Variants in EPAS1 observed in about 807,000 individuals in gnomAD.
The protein encoded by EPAS1 is endothelial PAS domain protein 1.
A neutral mutation model predicts 87.9 loss-of-function variants in EPAS1; 23 were observed. The ratio of observed to expected loss-of-function variants is 0.26; its 90% CI spans 0.19 to 0.37. The LOEUF (loss-of-function observed/expected upper bound fraction) is 0.37, where lower values mean the gene tolerates loss of function less well. Ranked by LOEUF, EPAS1 falls within the 10% of genes least tolerant of loss-of-function variation. The pLI, the probability that EPAS1 is intolerant of heterozygous loss-of-function variation, is 1.00. For missense variants in EPAS1, 1,138 were observed against 1,120.7 expected (o/e 1.02, Z -0.22); for synonymous variants, 508 against 444.3 (o/e 1.14, Z -1.80).
intron 3 of EPAS1, 70 bp downstream of exon 3, chr2:46,356,372 G>A: frequency 6.3e-7 from 1 of 1,590,546 alleles, no homozygotes; most frequent in South Asian, 1.1e-5. Flanking sequence ...AGTGGAAGGT[G>A]CTAGCCACAA....
chr2:46,383,353 A>C (rs557192641), intron 15 of EPAS1, among the ~76,000 whole-genome samples: 1 of 152,342 alleles, frequency 6.6e-6, no homozygotes, highest in East Asian at 1.9e-4. Flanking sequence ...GCCTGCCTTC[A>C]ACCCTGGGCC....
chr2:46,306,134 T>A (rs1683105540), intron 1 of EPAS1, among the ~76,000 whole-genome samples: 1 of 152,232 alleles, frequency 6.6e-6, no homozygotes, highest in Admixed American at 6.5e-5. Context: ...GATTATTTTT[T>A]GGTAATCATT....
chr2:46,323,388 C>A (rs1297455775), intron 1 of EPAS1, among the ~76,000 whole-genome samples: 1 of 152,176 alleles, frequency 6.6e-6, no homozygotes, highest in Non-Finnish European at 1.5e-5. Context: ...CTGATGAGGT[C>A]TTTTAACAAA....
chr2:46,318,237 G>A (rs1169938532), intron 1 of EPAS1, among the ~76,000 whole-genome samples: 1 of 151,908 alleles, frequency 6.6e-6, no homozygotes, highest in Non-Finnish European at 1.5e-5. Flanking sequence ...CACTGGACCA[G>A]TCAGAACACA....
rs144168268 is a variant in EPAS1 at position 46,369,913 on chromosome 2, T to C, written c.866T>C (p.Met289Thr). Residue 289 changes from methionine to threonine, a missense_variant, in exon 7 of 16, where the codon ATG becomes ACG. Around this residue, in one of 4 missense-constraint regions of EPAS1, gnomAD observed 351 missense variants for 417.1 expected, o/e 0.84. Coordinates refer to ENST00000263734, the MANE Select transcript of EPAS1 (RefSeq NM_001430.5). Reference protein sequence around the residue: ...EFYHALDSENMTKSHQNLCTK... With the variant: ...EFYHALDSENTTKSHQNLCTK... ...TACCATGCGCTAGACTCCGAGAACA[T>C]GACCAAGAGTCACCAGAACTGTGAG... 6.2e-7 allele frequency: 1 copy of C among 1,611,320 alleles called. No individual in the cohort carries two copies. Among genetic ancestry groups the C allele is most frequent in the East Asian group, 2.2e-5 (1 of 44,880 alleles).
At chr2:46,378,159 G>A in intron 10 of EPAS1, 72 bp downstream of exon 10, 1 of 1,534,360 alleles carries the variant, frequency 6.5e-7, no homozygotes, top group Non-Finnish European at 8.7e-7. Flanking sequence ...TGGCTGAAGG[G>A]ACATTTGGGA....
At chr2:46,364,167 C>G (rs756143845) in intron 6 of EPAS1, among the ~76,000 whole-genome samples, 2 of 152,124 alleles carry the variant, frequency 1.3e-5, no homozygotes, top group Non-Finnish European at 2.9e-5. Context: ...TCCAAGATAC[C>G]TAATGGGGTG....
Position 46,375,785 on chromosome 2 carries a change from A to C in EPAS1, c.982A>C (p.Asn328His). The C allele has an allele frequency of 6.2e-7, 1 of 1,614,222 alleles. No individual in the cohort carries two copies. Among genetic ancestry groups the C allele is most frequent in the Middle Eastern group, 1.6e-4 (1 of 6,062 alleles). ...WLETQGTVIYNPRNLQPQCIM... is the reference protein window; with the variant it reads ...WLETQGTVIYHPRNLQPQCIM... ...GGAGACCCAGGGGACGGTCATCTAC[A>C]ACCCTCGCAACCTGCAGCCCCAGTG... The change falls in exon 8 of 16, where the codon AAC (asparagine) becomes CAC (histidine). Residue 328 changes from asparagine to histidine, a missense_variant. Around this residue, in one of 4 missense-constraint regions of EPAS1, gnomAD observed 284 missense variants for 258.4 expected, o/e 1.10. Coordinates refer to ENST00000263734, the MANE Select transcript of EPAS1 (RefSeq NM_001430.5). The surrounding 1 kb of genome is among the most constrained non-coding windows in gnomAD (Gnocchi z 4.1).
intron 9 of EPAS1, among the ~76,000 whole-genome samples, chr2:46,377,095 A>G (rs960045990): frequency 2.0e-5 from 3 of 152,192 alleles, no homozygotes; most frequent in Admixed American, 6.5e-5. Context: ...GGCCACTTGG[A>G]CACTGTCAAA....
intron 6 of EPAS1, among the ~76,000 whole-genome samples, chr2:46,363,173 T>G (rs892181188): frequency 2.0e-5 from 3 of 152,190 alleles, no homozygotes; most frequent in Non-Finnish European, 4.4e-5. Context: ...AGTAGTCTTG[T>G]GAGATAACAT....
intron 7 of EPAS1, among the ~76,000 whole-genome samples, chr2:46,372,829 T>G (rs983679233): frequency 6.6e-6 from 1 of 152,242 alleles, no homozygotes; most frequent in Non-Finnish European, 1.5e-5. Flanking sequence ...TGGTTTGCAT[T>G]AAGGACCATC....
chr2:46,333,751 G>A (rs905982229), intron 1 of EPAS1, among the ~76,000 whole-genome samples: 1 of 151,898 alleles, frequency 6.6e-6, no homozygotes, highest in Non-Finnish European at 1.5e-5. Context: ...TTTTAAAATG[G>A]GGGAGCGACA....
chr2:46,361,222 T>C (rs1267337537), intron 6 of EPAS1, 132 bp downstream of exon 6: 4 of 1,002,298 alleles, frequency 4.0e-6, no homozygotes, highest in Non-Finnish European at 6.0e-6. Flanking sequence ...CGTGGACCTG[T>C]GCCACTGTTT....
chr2:46,381,790 GGTGGGGAT>G, intron 13 of EPAS1, 68 bp downstream of exon 13: 2 of 1,605,002 alleles, frequency 1.2e-6, no homozygotes, highest in East Asian at 2.2e-5. Flanking sequence ...TGCTGAGAGG[GGTGGGGAT>G]GTGGCCCTTC....
At chr2:46,304,995 C>T (rs1010960958) in intron 1 of EPAS1, among the ~76,000 whole-genome samples, 23 of 152,186 alleles carry the variant, frequency 1.5e-4, no homozygotes, top group African/African-American at 5.1e-4. Flanking sequence ...TAGAGGGTAC[C>T]TTGAGTTTTT....
At chr2:46,328,796 C>G (rs1057407827) in intron 1 of EPAS1, among the ~76,000 whole-genome samples, 1 of 152,230 alleles carries the variant, frequency 6.6e-6, no homozygotes, top group African/African-American at 2.4e-5. Context: ...CATTGTAACT[C>G]TTCAGAGCAA....
rs570655941 is a variant in EPAS1 at position 46,376,731 on chromosome 2, C to T, written c.1227C>T (p.Asp409=). ...CCCAGCTGGCTCCCACCCCAGGAGACGCCATCATCTCTCTGGATTTCGGTG... is the reference window on the plus strand; with the variant it reads ...CCCAGCTGGCTCCCACCCCAGGAGATGCCATCATCTCTCTGGATTTCGGTG... The part of the protein sequence containing the change: ...ELAQLAPTPG[D]AIISLDFGNQ... Residue 409 remains aspartate (D), a synonymous_variant, in exon 9 of 16, where the codon GAC becomes GAT. Coordinates refer to ENST00000263734, the MANE Select transcript of EPAS1 (RefSeq NM_001430.5). 40 of 1,612,692 alleles carry T rather than the reference C, an allele frequency of 2.5e-5. No individual in the cohort carries two copies. The highest frequency in any genetic ancestry group is 1.3e-4 in the South Asian group (12 of 91,022).
At chr2:46,352,069 G>A (rs1274019865) in intron 2 of EPAS1, among the ~76,000 whole-genome samples, 1 of 152,188 alleles carries the variant, frequency 6.6e-6, no homozygotes, top group Non-Finnish European at 1.5e-5. Context: ...TCCCCAGGAC[G>A]GGCATGCACT....
intron 1 of EPAS1, among the ~76,000 whole-genome samples, chr2:46,322,516 G>A (rs868577096): frequency 9.2e-5 from 14 of 152,160 alleles, no homozygotes; most frequent in South Asian, 8.3e-4. Flanking sequence ...TACTCGGCCC[G>A]CAGGTCTGAG....
Sources: gnomAD v4.1 joint callset for allele counts (sites outside exome capture counted in the v4.1 genomes callset) on GRCh38, gnomAD v4.1.1 for gene constraint, gnomAD v4.1.1 regional missense constraint, Gnocchi (gnomAD v3.1) non-coding constraint, MANE v1.5 for transcripts, NCBI Gene and HGNC (gene_info 2026-07-23, HGNC 2026-07-21) for gene names.